The following EFCAB11 variants were observed in gnomAD, a reference collection of about 807,000 sequenced individuals.
The protein encoded by EFCAB11 is EF-hand calcium-binding domain-containing protein 11.
Under a neutral mutation model 23.0 loss-of-function variants are expected in EFCAB11, and 14 were observed. That is an observed-to-expected ratio of 0.61 (90% CI 0.40 to 0.95). The LOEUF (loss-of-function observed/expected upper bound fraction) is 0.95. EFCAB11 is among the 40% of genes least tolerant of loss of function. EFCAB11 has a pLI of 0.00. For synonymous variants in EFCAB11, 65 were observed against 66.6 expected (o/e 0.98, Z 0.11); for missense variants, 198 against 195.8 (o/e 1.01, Z -0.07).
chr14:89,929,326 A>G (rs527403471), intron 5 of EFCAB11, among the ~76,000 whole-genome samples: 1 of 152,256 alleles, frequency 6.6e-6, no homozygotes, highest in Admixed American at 6.5e-5. Context: ...CTAGGATTAC[A>G]GGCATGAACC....
intron 5 of EFCAB11, among the ~76,000 whole-genome samples, chr14:89,858,915 A>T (rs1422298718): frequency 3.3e-5 from 5 of 152,204 alleles, no homozygotes; most frequent in Non-Finnish European, 4.4e-5. Context: ...AGTTCACACT[A>T]GTTCTCCTTT....
intron 5 of EFCAB11, among the ~76,000 whole-genome samples, chr14:89,835,422 A>T (rs1887041471): frequency 6.6e-6 from 1 of 152,032 alleles, no homozygotes; most frequent in Admixed American, 6.5e-5. Context: ...GCCTGAAGGT[A>T]ATTTTATATA....
intron 5 of EFCAB11, among the ~76,000 whole-genome samples, chr14:89,851,099 T>C (rs1887588723): frequency 6.6e-6 from 1 of 152,224 alleles, no homozygotes; most frequent in South Asian, 2.1e-4. Context: ...AAGGTTACAG[T>C]AAACACTTTA....
At chr14:89,805,145 G>A (rs138687432) in intron 5 of EFCAB11, among the ~76,000 whole-genome samples, 1,772 of 152,302 alleles carry the variant, frequency 0.012, 26 homozygotes, top group Non-Finnish European at 0.021. Flanking sequence ...ATTAGCACTC[G>A]GCTCAGCCTA....
chr14:89,847,382 A>G (rs986324248), intron 5 of EFCAB11, among the ~76,000 whole-genome samples: 2 of 152,150 alleles, frequency 1.3e-5, no homozygotes, highest in Non-Finnish European at 2.9e-5. Flanking sequence ...GAACATTCAC[A>G]AACTGACACC....
intron 3 of EFCAB11, among the ~76,000 whole-genome samples, chr14:89,936,943 A>G (rs1890606157): frequency 1.3e-5 from 2 of 152,212 alleles, no homozygotes; most frequent in African/African-American, 4.8e-5. Context: ...CATACCCAAT[A>G]AGAAATATAT....
upstream of EFCAB11, chr14:89,954,773 C>A (rs1286946062): frequency 1.4e-6 from 2 of 1,449,776 alleles, no homozygotes; most frequent in Non-Finnish European, 1.9e-6. Context: ...CGAACTTCAC[C>A]GCGCAACTCC....
intron 5 of EFCAB11, among the ~76,000 whole-genome samples, chr14:89,882,017 T>C: frequency 6.6e-6 from 1 of 152,168 alleles, no homozygotes; most frequent in South Asian, 2.1e-4. Flanking sequence ...TTCCAAAAAC[T>C]GGTTTGCTCA....
At chr14:89,865,110 T>A (rs1347472272) in intron 5 of EFCAB11, among the ~76,000 whole-genome samples, 1 of 152,176 alleles carries the variant, frequency 6.6e-6, no homozygotes, top group Non-Finnish European at 1.5e-5. Context: ...CAGTGCTGCA[T>A]CCTTGGTGGG....
intron 5 of EFCAB11, among the ~76,000 whole-genome samples, chr14:89,878,684 T>C (rs903092305): frequency 2.0e-5 from 3 of 152,288 alleles, no homozygotes; most frequent in African/African-American, 7.2e-5. Context: ...ATCTCTACTT[T>C]GAGCAGTTAT....
intron 5 of EFCAB11, among the ~76,000 whole-genome samples, chr14:89,840,113 T>C (rs1161882963): frequency 6.6e-6 from 1 of 152,248 alleles, no homozygotes; most frequent in Non-Finnish European, 1.5e-5. Context: ...TGTACTATAC[T>C]GTAGTCTACG....
At chr14:89,911,801 G>A (rs1486641907) in intron 5 of EFCAB11, among the ~76,000 whole-genome samples, 3 of 152,166 alleles carry the variant, frequency 2.0e-5, no homozygotes, top group African/African-American at 7.2e-5. Flanking sequence ...TTCAGTTGTG[G>A]CCTGTAGTAG....
intron 5 of EFCAB11, among the ~76,000 whole-genome samples, chr14:89,898,666 C>CT (rs36098790): frequency 0.45 from 54,111 of 120,962 alleles, 12,317 homozygotes; most frequent in Non-Finnish European, 0.48. Context: ...CGCCTGGCCT[C>CT]TTTTTTTTTT....
At chr14:89,953,614 C>G (rs568921493) in intron 2 of EFCAB11, among the ~76,000 whole-genome samples, 3 of 152,194 alleles carry the variant, frequency 2.0e-5, no homozygotes, top group Non-Finnish European at 4.4e-5. Flanking sequence ...TCTCCTGTTA[C>G]CAACACTCCC....
intron 5 of EFCAB11, among the ~76,000 whole-genome samples, chr14:89,802,584 G>T (rs548586319): frequency 2.4e-4 from 37 of 152,182 alleles, no homozygotes; most frequent in Non-Finnish European, 2.9e-5. Flanking sequence ...GTAGAGATGG[G>T]GTTTCGCCAT....
intron 5 of EFCAB11, chr14:89,924,533 T>C (rs1201660617): frequency 8.1e-6 from 12 of 1,488,848 alleles, no homozygotes; most frequent in Non-Finnish European, 1.1e-5. Context: ...AGAAGGTTCC[T>C]AGGCATGGAG....
chr14:89,942,961 G>A (rs552385647), intron 3 of EFCAB11, among the ~76,000 whole-genome samples: 16 of 152,210 alleles, frequency 1.1e-4, no homozygotes, highest in Non-Finnish European at 1.9e-4. Context: ...GTATAATCCC[G>A]AACCCAAAGT....
intron 5 of EFCAB11, among the ~76,000 whole-genome samples, chr14:89,900,021 A>G (rs1174916663): frequency 6.6e-6 from 1 of 151,398 alleles, no homozygotes; most frequent in African/African-American, 2.4e-5. Flanking sequence ...GTCACTAAGA[A>G]AGCTGAAATT....
At chr14:89,880,980 G>A (rs143594622) in intron 5 of EFCAB11, among the ~76,000 whole-genome samples, 163 of 152,098 alleles carry the variant, frequency 1.1e-3, no homozygotes, top group African/African-American at 3.7e-3. Context: ...CAGAACCATG[G>A]TCCATCAGGT....
Sources: gnomAD v4.1 joint callset for allele counts (sites outside exome capture counted in the v4.1 genomes callset) on GRCh38, gnomAD v4.1.1 for gene constraint, MANE v1.5 for transcripts, NCBI Gene and HGNC (gene_info 2026-07-23, HGNC 2026-07-21) for gene names.